Variants in C12orf60 observed in about 807,000 individuals in gnomAD.
The protein encoded by C12orf60 is chromosome 12 open reading frame 60, also known as uncharacterized protein C12orf60.
For missense variants in C12orf60, 284 were observed against 283.2 expected (o/e 1.00, Z -0.02); for synonymous variants, 102 against 94.6 (o/e 1.08, Z -0.45).
chr12:14,807,152 G>C (rs1379515467), intron 1 of C12orf60, among the ~76,000 whole-genome samples: 1 of 152,118 alleles, frequency 6.6e-6, no homozygotes, highest in Non-Finnish European at 1.5e-5. Flanking sequence ...CTTTAAAACA[G>C]TTATTTTTAT....
At chr12:14,822,019 A>G (rs1592243290) in intron 1 of C12orf60, among the ~76,000 whole-genome samples, 3 of 47,386 alleles carry the variant, frequency 6.3e-5, no homozygotes, top group African/African-American at 8.1e-5. Context: ...TGGGGTGGGG[A>G]GTAGGGGATG....
At position 14,823,231 on chromosome 12, in the gene C12orf60, A is replaced by G. The variant is rs1950333502; in HGVS notation, c.296A>G (p.Gln99Arg). Residue 99 changes from glutamine (Q) to arginine (R), a missense_variant, in exon 2 of 2, where the codon CAG (glutamine) becomes CGG (arginine). By Grantham distance (43) the Gln-to-Arg change is conservative (BLOSUM62 1). Transcript: ENST00000330828. ...GCAATGGCCATGTGCTCTGTGGTTC[A>G]GAAGAGTACCAATGTAGAGGAGTTG... ...KVAMAMCSVV[Q>R]KSTNVEELHQ... 1.2e-6 allele frequency: 2 copies of G among 1,614,142 alleles called. No individual in the cohort carries two copies. The highest frequency in any genetic ancestry group is 4.5e-5 in the East Asian group (2 of 44,874).
Position 14,823,482 on chromosome 12 carries a change from A to G in C12orf60, c.547A>G (p.Thr183Ala), listed in dbSNP as rs759820622. 4.4e-5 allele frequency: 70 copies of G among 1,603,326 alleles called. No homozygotes were observed. The Admixed American group carries it at 7.8e-4, about 18-fold the overall frequency. Residue 183 changes from threonine (T) to alanine (A), a missense_variant, in exon 2 of 2, where the codon ACT (threonine) becomes GCT (alanine). Transcript: ENST00000330828. Reference protein sequence around the residue: ...TRSPPGSSKTTMIDTLKKLQD... With the variant: ...TRSPPGSSKTAMIDTLKKLQD... ...AAGTCCTCCAGGTTCTTCCAAAACC[A>G]CTATGATAGACACCTTGAAAAAACT...
At chr12:14,819,694 G>T (rs1040250070) in intron 1 of C12orf60, among the ~76,000 whole-genome samples, 4 of 152,006 alleles carry the variant, frequency 2.6e-5, no homozygotes, top group African/African-American at 9.7e-5. Flanking sequence ...AGTTTGCTAA[G>T]AATTTTTATT....
At chr12:14,817,077 A>AT (rs894329125) in intron 1 of C12orf60, among the ~76,000 whole-genome samples, 2 of 152,122 alleles carry the variant, frequency 1.3e-5, no homozygotes, top group African/African-American at 4.8e-5. Flanking sequence ...TGCCCGGCCA[A>AT]TTTATCGTTT....
chr12:14,806,169 C>A (rs769702138), intron 1 of C12orf60: 1 of 1,614,084 alleles, frequency 6.2e-7, no homozygotes, highest in Non-Finnish European at 8.5e-7. Context: ...CATATCTATG[C>A]CAAGGCCAAG....
intron 1 of C12orf60, among the ~76,000 whole-genome samples, chr12:14,821,585 G>A (rs1009184127): frequency 6.6e-6 from 1 of 152,156 alleles, no homozygotes. Flanking sequence ...GTAAAATCAA[G>A]AAGTCTTTCA....
intron 1 of C12orf60, among the ~76,000 whole-genome samples, chr12:14,808,475 C>G (rs1177667582): frequency 6.6e-6 from 1 of 151,894 alleles, no homozygotes; most frequent in Non-Finnish European, 1.5e-5. Context: ...TAAATAATAT[C>G]GTAATTAATT....
rs144517774 is a variant in C12orf60, at chr12:14,810,590, A to C, written c.-25+6839A>C. 4.0e-3 allele frequency among the ~76,000 whole-genome samples: 610 copies of C among 152,340 alleles called. 12 individuals are homozygous for C. The highest frequency in any genetic ancestry group is 5.6e-3 in the East Asian group (29 of 5,192). ...CAAGTTGAAAGTAATATGTCGTACA[A>C]AATTAAAGGTACACTTGGTATTTGA... On this transcript the variant is annotated intron_variant, in intron 1 of 1. Transcript: ENST00000330828.
intron 1 of C12orf60, among the ~76,000 whole-genome samples, chr12:14,812,977 A>G (rs1414238817): frequency 1.3e-5 from 2 of 152,310 alleles, no homozygotes; most frequent in East Asian, 3.9e-4. Context: ...GGAAATACAT[A>G]CTGAAAACAT....
intron 1 of C12orf60, among the ~76,000 whole-genome samples, chr12:14,817,815 G>A (rs1461101500): frequency 6.6e-6 from 1 of 151,992 alleles, no homozygotes; most frequent in Non-Finnish European, 1.5e-5. Context: ...CTTCATAGTA[G>A]CATGATTTAT....
At chr12:14,809,027 T>C (rs1481429163) in intron 1 of C12orf60, among the ~76,000 whole-genome samples, 4 of 152,224 alleles carry the variant, frequency 2.6e-5, no homozygotes, top group Non-Finnish European at 5.9e-5. Context: ...GGTTTTCAGA[T>C]CTTATTATGA....
chr12:14,812,973 A>G (rs1950163925), intron 1 of C12orf60, among the ~76,000 whole-genome samples: 1 of 152,220 alleles, frequency 6.6e-6, no homozygotes, highest in Non-Finnish European at 1.5e-5. Context: ...ATTTGGAAAT[A>G]CATACTGAAA....
chr12:14,822,293 T>C (rs1242852428), intron 1 of C12orf60, among the ~76,000 whole-genome samples: 1 of 150,802 alleles, frequency 6.6e-6, no homozygotes, highest in Middle Eastern at 3.4e-3. Flanking sequence ...AGATGGGATA[T>C]ATAGGAAGCA....
intron 1 of C12orf60, among the ~76,000 whole-genome samples, chr12:14,813,842 C>T (rs1950178084): frequency 6.6e-6 from 1 of 152,120 alleles, no homozygotes; most frequent in Non-Finnish European, 1.5e-5. Flanking sequence ...CATCCTTAAT[C>T]CTTCTTAGAA....
chr12:14,804,167 A>C (rs957744243), intron 1 of C12orf60, among the ~76,000 whole-genome samples: 2 of 152,194 alleles, frequency 1.3e-5, no homozygotes, highest in African/African-American at 4.8e-5. Context: ...CAAGGTTGAT[A>C]TATATTGGCT....
intron 1 of C12orf60, among the ~76,000 whole-genome samples, chr12:14,819,818 A>T (rs1359173798): frequency 6.6e-6 from 1 of 151,906 alleles, no homozygotes; most frequent in Non-Finnish European, 1.5e-5. Flanking sequence ...CATTTTTGGG[A>T]TACACCTTAA....
intron 1 of C12orf60, among the ~76,000 whole-genome samples, chr12:14,814,454 A>T (rs1431284291): frequency 4.6e-5 from 7 of 152,210 alleles, no homozygotes; most frequent in African/African-American, 1.7e-4. Flanking sequence ...AACTGAGCTA[A>T]TTCAATTTAG....
At chr12:14,814,252 G>C (rs917991350) in intron 1 of C12orf60, 15 of 152,150 alleles carry the variant, frequency 9.9e-5, no homozygotes, top group Admixed American at 2.0e-4. Context: ...GCTAGTCTCT[G>C]CTGGGTCCCT....
Sources: gnomAD v4.1 joint callset for allele counts (sites outside exome capture counted in the v4.1 genomes callset) on GRCh38, gnomAD v4.1.1 for gene constraint, MANE v1.5 for transcripts, NCBI Gene and HGNC (gene_info 2026-07-23, HGNC 2026-07-21) for gene names.